The following IP6K1 variants were observed in gnomAD, a reference collection of about 807,000 sequenced individuals.
IP6K1 encodes the protein ATP:1D-myo-inositol-hexakisphosphate phosphotransferase.
Under a neutral mutation model 38.3 loss-of-function variants are expected in IP6K1, and 13 were observed. The observed-to-expected ratio is 0.34, with a 90% CI of 0.22 to 0.54. The LOEUF is 0.54. IP6K1 is among the 20% of genes least tolerant of loss of function. The pLI is 0.92. For missense variants in IP6K1, 397 were observed against 599.8 expected (o/e 0.66, Z 3.53); for synonymous variants, 212 against 229.9 (o/e 0.92, Z 0.70).
At chr3:49,746,634 C>T (rs1374555934) in intron 2 of IP6K1, among the ~76,000 whole-genome samples, 1 of 147,868 alleles carries the variant, frequency 6.8e-6, no homozygotes, top group African/African-American at 2.5e-5. Context: ...AAGATCGCGC[C>T]ACTGCACTCT....
chr3:49,757,845 G>A lies in IP6K1; in HGVS notation c.-128-9677C>T, dbSNP rs1286318773. ...GTTTTATACATGGAGTTCATCTTAG[G>A]TACAAATCTACTACCTTATATTAGC... On this transcript the variant is annotated intron_variant, in intron 1 of 5. Transcript: ENST00000321599. Among the ~76,000 whole-genome samples the A allele has an allele frequency of 2.0e-5, 3 of 152,018 alleles. No homozygotes were observed. In the East Asian group the frequency reaches 5.8e-4, roughly 29 times the overall value.
intron 2 of IP6K1, among the ~76,000 whole-genome samples, chr3:49,745,225 C>T (rs1381418897): frequency 6.6e-6 from 1 of 152,074 alleles, no homozygotes; most frequent in East Asian, 1.9e-4. Flanking sequence ...ATATGGTTTC[C>T]AGAGCAGAAT....
At position 49,747,997 on chromosome 3, in the gene IP6K1, T is replaced by C. The variant is rs34785187; in HGVS notation, c.44A>G (p.Asn15Ser). ...TCCCCGGTCTCCAGCCCGACTTGCATTCTTGCCATACTGCCCCACTTCCAT... is the reference window on the plus strand; with the variant it reads ...TCCCCGGTCTCCAGCCCGACTTGCACTCTTGCCATACTGCCCCACTTCCAT... The part of the protein sequence containing the change: ...QTMEVGQYGK[N>S]ASRAGDRGVL... Residue 15 changes from asparagine to serine, a missense_variant, in exon 2 of 6, where the codon AAT becomes AGT. This residue lies in a region of IP6K1 where 171 missense variants were observed against 237.0 expected (regional missense o/e 0.72). Transcript: ENST00000321599. The C allele has an allele frequency of 8.3e-4, 1,335 of 1,613,910 alleles. 9 individuals carry two copies. In the African/African-American group the frequency reaches 0.016, roughly 19 times the overall value.
At chr3:49,780,151 A>AG (rs2081052176) in intron 1 of IP6K1, among the ~76,000 whole-genome samples, 1 of 152,112 alleles carries the variant, frequency 6.6e-6, no homozygotes, top group South Asian at 2.1e-4. Flanking sequence ...TTTACAAAAG[A>AG]GATCAGCAGA....
intron 1 of IP6K1, among the ~76,000 whole-genome samples, chr3:49,767,628 G>A (rs2080923281): frequency 6.6e-6 from 1 of 151,750 alleles, no homozygotes; most frequent in African/African-American, 2.4e-5. Context: ...AAATTAGTCT[G>A]GGTACAGTGG....
chr3:49,760,117 A>G (rs2080855980), intron 1 of IP6K1, among the ~76,000 whole-genome samples: 1 of 152,022 alleles, frequency 6.6e-6, no homozygotes, highest in Non-Finnish European at 1.5e-5. Context: ...GCTGGTCTCC[A>G]TCTCCCAGCT....
intron 1 of IP6K1, among the ~76,000 whole-genome samples, chr3:49,778,068 G>A (rs1252533874): frequency 6.6e-6 from 1 of 151,666 alleles, no homozygotes; most frequent in Non-Finnish European, 1.5e-5. Context: ...GCTCACACCT[G>A]TAATCCCAGC....
intron 1 of IP6K1, among the ~76,000 whole-genome samples, chr3:49,759,598 T>A (rs2080851295): frequency 6.6e-6 from 1 of 152,070 alleles, no homozygotes; most frequent in African/African-American, 2.4e-5. Flanking sequence ...ACACCACACA[T>A]CCTGGAGGCA....
rs755798865 is a variant in IP6K1, at chr3:49,738,292, G to T, written c.354C>A (p.Ser118=). The T allele has an allele frequency of 6.2e-7, 1 of 1,614,094 alleles. No individual in the cohort carries two copies. Among genetic ancestry groups the T allele is most frequent in the Non-Finnish European group, 8.5e-7 (1 of 1,180,058 alleles). The change falls in exon 3 of 6, where the codon TCC becomes TCA. Residue 118 remains serine (S), a synonymous_variant. Coordinates refer to ENST00000321599, the MANE Select transcript of IP6K1 (RefSeq NM_153273.4). ...TGCCTGACCGGTGCAGGCTCCGGCG[G>T]GAGTGTTTGCGCCGAGGTTGCTCCC... The part of the protein sequence containing the change: ...TEREQPRRKH[S]RRSLHRSGSG...
At position 49,727,707 on chromosome 3, in the gene IP6K1, C is replaced by A; in HGVS notation, c.793-52G>T. On this transcript the variant is annotated intron_variant, in intron 5 of 5. Transcript: ENST00000321599. This position sits in a 1 kb window ranked among gnomAD's most constrained non-coding sequence, Gnocchi z 5.9. ...GAGTGCCAGGGAAGTCTGAAGAGCT[C>A]ACAGTGCCCTGGGCAAACACTGTCT... is the stretch of plus-strand genomic sequence containing the variant. 2 of 1,565,342 alleles carry A rather than the reference C, an allele frequency of 1.3e-6. No homozygotes were observed. The highest frequency in any genetic ancestry group is 2.4e-5 in the South Asian group (2 of 84,804).
chr3:49,754,512 T>C (rs1342770340), intron 1 of IP6K1, among the ~76,000 whole-genome samples: 1 of 152,208 alleles, frequency 6.6e-6, no homozygotes, highest in Non-Finnish European at 1.5e-5. Context: ...AGCAAGATGC[T>C]GTCTCAATGA....
chr3:49,731,905 AGG>A lies in IP6K1; in HGVS notation c.616+884_616+885del, dbSNP rs1346062691. 3.1e-3 allele frequency among the ~76,000 whole-genome samples: 435 copies of A among 142,374 alleles called. 9 individuals carry two copies. The highest frequency in any genetic ancestry group is 4.6e-3 in the Non-Finnish European group (298 of 64,390). 93.4% of individuals were successfully genotyped at this position (142,374 alleles called of 152,430 possible). On this transcript the variant is annotated intron_variant, in intron 4 of 5. Transcript: ENST00000321599. ...TCTGTCTCAAAAAAAAAAAAAAAAA[AGG>A]AATTCCTATGCCATAATACTTTTTT...
chr3:49,756,812 C>T (rs1415563693), intron 1 of IP6K1, among the ~76,000 whole-genome samples: 3 of 76,572 alleles, frequency 3.9e-5, no homozygotes, highest in African/African-American at 1.7e-4. Context: ...GGCAAAACTC[C>T]ATCTCAAAAA....
At chr3:49,746,570 T>C (rs1043544525) in intron 2 of IP6K1, among the ~76,000 whole-genome samples, 29 of 147,384 alleles carry the variant, frequency 2.0e-4, no homozygotes, top group Non-Finnish European at 4.2e-4. Flanking sequence ...CTTGGGAGGC[T>C]GAGGCAGGAG....
intron 1 of IP6K1, among the ~76,000 whole-genome samples, chr3:49,777,850 G>C (rs2081031518): frequency 2.6e-5 from 4 of 152,082 alleles, no homozygotes; most frequent in Admixed American, 1.3e-4. Flanking sequence ...GGGAGGCGGA[G>C]CTTGCAGTGA....
intron 1 of IP6K1, among the ~76,000 whole-genome samples, chr3:49,772,238 T>A (rs946339026): frequency 1.4e-5 from 2 of 147,958 alleles, no homozygotes; most frequent in Non-Finnish European, 3.0e-5. Context: ...TATATATATA[T>A]ATATGTGTGT....
At chr3:49,762,896 T>A (rs929679907) in intron 1 of IP6K1, among the ~76,000 whole-genome samples, 1 of 151,480 alleles carries the variant, frequency 6.6e-6, no homozygotes, top group Non-Finnish European at 1.5e-5. Context: ...CTCAGCCTCC[T>A]GAGTAGCTGG....
At chr3:49,737,971 T>G (rs915949731) in intron 3 of IP6K1, among the ~76,000 whole-genome samples, 2 of 152,168 alleles carry the variant, frequency 1.3e-5, no homozygotes, top group African/African-American at 2.4e-5. Context: ...GCACAGGGTG[T>G]CCCTGCTTCC....
intron 1 of IP6K1, among the ~76,000 whole-genome samples, chr3:49,752,525 A>ATGTGTG (rs372243529): frequency 4.0e-4 from 59 of 146,208 alleles, no homozygotes; most frequent in African/African-American, 1.4e-3. Flanking sequence ...TCACTTTTGC[A>ATGTGTG]TGTGTGTGTG....
Sources: gnomAD v4.1 joint callset for allele counts (sites outside exome capture counted in the v4.1 genomes callset) on GRCh38, gnomAD v4.1.1 for gene constraint, gnomAD v4.1.1 regional missense constraint, Gnocchi (gnomAD v3.1) non-coding constraint, MANE v1.5 for transcripts, NCBI Gene and HGNC (gene_info 2026-07-23, HGNC 2026-07-21) for gene names.